Variants in ATP6V1A observed in about 807,000 individuals in gnomAD.
The protein encoded by ATP6V1A is ATPase H+ transporting V1 subunit A.
ATP6V1A carries 18 observed loss-of-function variants against 70.1 expected under a neutral mutation model. That is an observed-to-expected ratio of 0.26 (90% CI 0.18 to 0.38). The LOEUF (loss-of-function observed/expected upper bound fraction) is 0.38. Among genes scored for constraint, ATP6V1A ranks in the 10% least tolerant of loss-of-function variants. ATP6V1A has a pLI of 1.00. For missense variants in ATP6V1A, 424 were observed against 772.4 expected (o/e 0.55, Z 5.35); for synonymous variants, 232 against 253.8 (o/e 0.91, Z 0.82).
chr3:113,755,794 C>T (rs2108008536), intron 1 of ATP6V1A, among the ~76,000 whole-genome samples: 1 of 152,252 alleles, frequency 6.6e-6, no homozygotes, highest in Non-Finnish European at 1.5e-5. Context: ...TTTCTCTCCC[C>T]TCATCCTTAT....
intron 12 of ATP6V1A, chr3:113,801,180 ATAAT>A (rs1254087529): frequency 1.3e-5 from 2 of 151,256 alleles, no homozygotes; most frequent in African/African-American, 4.9e-5. Flanking sequence ...AAATACATAA[ATAAT>A]AAGATAAAAA....
chr3:113,767,024 CT>C (rs1008604948), intron 1 of ATP6V1A, among the ~76,000 whole-genome samples: 10 of 147,976 alleles, frequency 6.8e-5, no homozygotes, highest in Non-Finnish European at 1.3e-4. Flanking sequence ...GAGATGTTTG[CT>C]TTTTTTAACA....
intron 6 of ATP6V1A, among the ~76,000 whole-genome samples, chr3:113,787,265 T>C (rs1423244329): frequency 7.9e-5 from 12 of 152,232 alleles, no homozygotes; most frequent in Admixed American, 7.9e-4. Context: ...TCTGTAGTCA[T>C]CACGGGATCC....
chr3:113,795,961 T>G, intron 11 of ATP6V1A, 22 bp downstream of exon 11: 1 of 1,586,780 alleles, frequency 6.3e-7, no homozygotes, highest in Non-Finnish European at 8.6e-7. Flanking sequence ...CCTAGTATAG[T>G]CAACTTCTGA....
At chr3:113,803,464 A>T in intron 12 of ATP6V1A, 119 bp from the exon 13 acceptor site, 1 of 754,104 alleles carries the variant, frequency 1.3e-6, no homozygotes, top group Non-Finnish European at 2.2e-6. Context: ...CGTTATAAGT[A>T]AATTTATTAA....
intron 1 of ATP6V1A, among the ~76,000 whole-genome samples, chr3:113,752,765 T>C (rs1242334771): frequency 6.6e-6 from 1 of 152,100 alleles, no homozygotes; most frequent in East Asian, 1.9e-4. Flanking sequence ...GGCACATATA[T>C]ATCATAAATG....
intron 14 of ATP6V1A, 142 bp from the exon 15 acceptor site, chr3:113,809,193 T>TG (rs1179540775): frequency 2.4e-5 from 12 of 508,628 alleles, no homozygotes; most frequent in Non-Finnish European, 3.9e-5. Flanking sequence ...AGGTGGAGGT[T>TG]GCAGTGAGCC....
In ATP6V1A at chr3:113,808,130, GA is replaced by G. The variant is rs1246331874; in HGVS notation, c.1762-1191del. On this transcript the variant is annotated intron_variant, in intron 14 of 14. Transcript: ENST00000273398. ...GGACAACAAGAGCAAAACTCTGTCT[GA>G]AAAAAAAAAAAAACAAAGAAAAGAA... Among the ~76,000 whole-genome samples, 1,137 of 117,062 alleles carry G rather than the reference GA, an allele frequency of 9.7e-3. 5 individuals are homozygous for G. Among genetic ancestry groups the G allele is most frequent in the Middle Eastern group, 0.019 (4 of 206 alleles). 76.8% of individuals were successfully genotyped at this position (117,062 alleles called of 152,430 possible). A position where few individuals can be genotyped will look rare whatever the true frequency, so the allele number is the denominator to read the frequency against.
chr3:113,799,211 ATG>A (rs1709184066), intron 12 of ATP6V1A, among the ~76,000 whole-genome samples: 1 of 152,182 alleles, frequency 6.6e-6, no homozygotes, highest in Non-Finnish European at 1.5e-5. Flanking sequence ...ATATTAGTGT[ATG>A]AGGTCTAGTA....
At chr3:113,804,005 G>A (rs1161932989) in intron 13 of ATP6V1A, among the ~76,000 whole-genome samples, 1 of 151,620 alleles carries the variant, frequency 6.6e-6, no homozygotes, top group Non-Finnish European at 1.5e-5. Flanking sequence ...ACTCTCTTAC[G>A]TTGTTGTTTT....
At chr3:113,767,543 G>C (rs1708787728) in intron 1 of ATP6V1A, among the ~76,000 whole-genome samples, 2 of 152,226 alleles carry the variant, frequency 1.3e-5, no homozygotes, top group South Asian at 4.1e-4. Flanking sequence ...TTGACCATAG[G>C]CTTCTAGCGT....
chr3:113,784,585 T>C, intron 4 of ATP6V1A, 111 bp from the exon 5 acceptor site: 1 of 1,440,706 alleles, frequency 6.9e-7, no homozygotes. Flanking sequence ...CATGGGATTT[T>C]AGAACTAATG....
rs562101669 is a variant in ATP6V1A at position 113,769,934 on chromosome 3, G to A, written c.-13-8807G>A. Among the ~76,000 whole-genome samples, 28 of 152,254 alleles carry A rather than the reference G, an allele frequency of 1.8e-4. No individual in the cohort carries two copies. The South Asian group carries it at 5.8e-3, about 32-fold the overall frequency. On this transcript the variant is annotated intron_variant, in intron 1 of 14. Transcript: ENST00000273398. ...ACAGTTGAAGTCAAAACAGCTAAAGGCAACATTTTTATATAATCATTGATT... is the reference window on the plus strand; with the variant it reads ...ACAGTTGAAGTCAAAACAGCTAAAGACAACATTTTTATATAATCATTGATT...
intron 6 of ATP6V1A, among the ~76,000 whole-genome samples, chr3:113,787,125 C>T (rs1709047654): frequency 6.6e-6 from 1 of 152,076 alleles, no homozygotes; most frequent in Non-Finnish European, 1.5e-5. Context: ...AGACAGAAGC[C>T]CCACCCAAAT....
In ATP6V1A at chr3:113,787,412, CA is replaced by C. The variant is rs143309478; in HGVS notation, c.716+1030del. The stretch of plus-strand genomic sequence containing the variant: ...TTATTAAATAATTCAGATGACAAAG[CA>C]GGGGGAAAATGCCCTGTTTCATGGC... On this transcript the variant is annotated intron_variant, in intron 6 of 14. Transcript: ENST00000273398. Among the ~76,000 whole-genome samples, 705 of 152,254 alleles carry C rather than the reference CA, an allele frequency of 4.6e-3. 14 individuals are homozygous for C. The highest frequency in any genetic ancestry group is 0.034 in the Admixed American group (515 of 15,294).
chr3:113,758,402 T>C (rs1189610128), intron 1 of ATP6V1A, among the ~76,000 whole-genome samples: 2 of 152,218 alleles, frequency 1.3e-5, no homozygotes, highest in Admixed American at 1.3e-4. Context: ...GAGAAGTTTC[T>C]TTGTTCCTCT....
chr3:113,767,054 A>G (rs1307989743), intron 1 of ATP6V1A, among the ~76,000 whole-genome samples: 1 of 143,734 alleles, frequency 7.0e-6, no homozygotes, highest in African/African-American at 2.6e-5. Context: ...GGAGTGTGAT[A>G]TGTACTTAAC....
chr3:113,770,291 C>G (rs992840373), intron 1 of ATP6V1A, among the ~76,000 whole-genome samples: 1 of 152,174 alleles, frequency 6.6e-6, no homozygotes, highest in Admixed American at 6.5e-5. Flanking sequence ...CACAAGTAAC[C>G]TACCTGCCTC....
At chr3:113,763,138 T>C (rs1396926822) in intron 1 of ATP6V1A, among the ~76,000 whole-genome samples, 2 of 152,108 alleles carry the variant, frequency 1.3e-5, no homozygotes, top group Non-Finnish European at 2.9e-5. Flanking sequence ...TCACCTAGGC[T>C]GTGGAGTGCA....
Sources: allele counts gnomAD v4.1 joint callset (sites outside exome capture counted in the v4.1 genomes callset), GRCh38; gene constraint gnomAD v4.1.1; transcripts MANE v1.5; gene names NCBI Gene and HGNC (gene_info 2026-07-23, HGNC 2026-07-21).